CARF: variants seen among roughly 807,000 people sequenced by gnomAD.
CARF encodes the protein calcium responsive transcription factor, also known as calcium-responsive transcription factor.
CARF carries 57 observed loss-of-function variants against 82.0 expected under a neutral mutation model. That is an observed-to-expected ratio of 0.70 (90% CI 0.56 to 0.87). CARF has a LOEUF of 0.87. Ranked by LOEUF, CARF falls within the 40% of genes least tolerant of loss-of-function variation. The pLI is 0.00. For missense variants in CARF, 771 were observed against 855.8 expected (o/e 0.90, Z 1.24); for synonymous variants, 268 against 290.1 (o/e 0.92, Z 0.77).
At chr2:202,942,671 A>G (rs2058285118) in intron 4 of CARF, 69 bp from the exon 5 acceptor site, 4 of 1,237,886 alleles carry the variant, frequency 3.2e-6, no homozygotes, top group South Asian at 1.7e-5. Context: ...ATGTCTTTTC[A>G]TTTTTATTAT....
At chr2:202,928,970 T>C (rs1356733323) in intron 3 of CARF, among the ~76,000 whole-genome samples, 3 of 151,976 alleles carry the variant, frequency 2.0e-5, no homozygotes, top group African/African-American at 7.2e-5. Flanking sequence ...CCTCAGGCAG[T>C]CCTCCAGCCT....
In CARF at chr2:202,952,414, C is replaced by T. The variant is rs924220094; in HGVS notation, c.307-145C>T. ...GACCTTGGAAAAAAATGTTTATGTGCCTCAATGTTTTCATCTATAAAATGG... is the reference window on the plus strand; with the variant it reads ...GACCTTGGAAAAAAATGTTTATGTGTCTCAATGTTTTCATCTATAAAATGG... On this transcript the variant is annotated intron_variant, in intron 5 of 16. Transcript: ENST00000438828. 5.2e-6 allele frequency: 4 copies of T among 763,012 alleles called. No individual in the cohort carries two copies. In the Admixed American group the frequency reaches 9.1e-5, roughly 17 times the overall value. The allele number at this position is 763,012 out of a possible 1,614,324, so 47.3% of individuals were successfully genotyped here.
At chr2:202,931,376 G>A (rs753882987) in intron 3 of CARF, among the ~76,000 whole-genome samples, 4 of 152,170 alleles carry the variant, frequency 2.6e-5, no homozygotes, top group Non-Finnish European at 5.9e-5. Context: ...TATGTTATTG[G>A]TAAGGCTTCC....
intron 10 of CARF, among the ~76,000 whole-genome samples, chr2:202,967,652 A>G (rs1487490872): frequency 1.3e-5 from 2 of 152,212 alleles, no homozygotes; most frequent in African/African-American, 4.8e-5. Flanking sequence ...TGTGAAAGGT[A>G]TTCCTTATTA....
intron 14 of CARF, among the ~76,000 whole-genome samples, chr2:202,980,786 G>T (rs1158298400): frequency 1.3e-5 from 2 of 151,216 alleles, no homozygotes; most frequent in South Asian, 4.2e-4. Flanking sequence ...ATCTAGAGAT[G>T]ATTTAAAGTA....
intron 5 of CARF, among the ~76,000 whole-genome samples, chr2:202,951,753 C>T (rs1311256542): frequency 2.0e-5 from 3 of 151,812 alleles, no homozygotes; most frequent in Non-Finnish European, 2.9e-5. Flanking sequence ...TTTGTAGTAC[C>T]GTTCTTTATG....
chr2:202,951,390 A>G (rs962796523), intron 5 of CARF, among the ~76,000 whole-genome samples: 2 of 152,122 alleles, frequency 1.3e-5, no homozygotes, highest in Non-Finnish European at 2.9e-5. Flanking sequence ...CAATATTTTC[A>G]TGTTTTACCT....
intron 5 of CARF, among the ~76,000 whole-genome samples, chr2:202,945,616 T>C (rs2058460022): frequency 6.6e-6 from 1 of 152,190 alleles, no homozygotes; most frequent in Non-Finnish European, 1.5e-5. Flanking sequence ...TCCAGCTCCA[T>C]CTGCGTTCCC....
At chr2:202,936,334 T>G (rs1329769511) in intron 3 of CARF, among the ~76,000 whole-genome samples, 1 of 152,170 alleles carries the variant, frequency 6.6e-6, no homozygotes, top group Non-Finnish European at 1.5e-5. Flanking sequence ...AATGAAGAAT[T>G]TACTGACAGT....
At chr2:202,973,817 G>A (rs1228370213) in intron 12 of CARF, among the ~76,000 whole-genome samples, 17 of 152,182 alleles carry the variant, frequency 1.1e-4, no homozygotes, top group Non-Finnish European at 2.2e-4. Context: ...GCTGGGCGTG[G>A]TGGCTCACGC....
At chr2:202,959,815 CAAAA>C (rs11334679) in intron 8 of CARF, among the ~76,000 whole-genome samples, 1 of 140,246 alleles carries the variant, frequency 7.1e-6, no homozygotes, top group Admixed American at 7.1e-5. Context: ...ATCTCAAAAA[CAAAA>C]AAAAAAAAAA....
intron 3 of CARF, among the ~76,000 whole-genome samples, chr2:202,929,747 TTTG>T (rs978065382): frequency 2.6e-5 from 4 of 151,992 alleles, no homozygotes; most frequent in African/African-American, 9.7e-5. Context: ...TTTCGGGGCT[TTTG>T]TTGTTGTTGT....
intron 3 of CARF, chr2:202,925,570 C>A (rs747820237): frequency 4.1e-6 from 1 of 244,354 alleles, no homozygotes. Flanking sequence ...GAAGACAGAT[C>A]TCTAAGATGA....
At chr2:202,914,773 C>G (rs1280349169) in intron 1 of CARF, among the ~76,000 whole-genome samples, 1 of 120,842 alleles carries the variant, frequency 8.3e-6, no homozygotes, top group Non-Finnish European at 1.7e-5. Flanking sequence ...GAGTGAAACT[C>G]CATCTCAAAA....
At chr2:202,942,015 G>T in intron 4 of CARF, 35 bp downstream of exon 4, 6 of 1,491,534 alleles carry the variant, frequency 4.0e-6, no homozygotes, top group South Asian at 1.1e-5. Flanking sequence ...TTCCATCCTA[G>T]GGTAAAACAG....
At chr2:202,953,498 G>GTTTTTTTTTTTTTTTTTT (rs67855316) in intron 6 of CARF, among the ~76,000 whole-genome samples, 4 of 70,294 alleles carry the variant, frequency 5.7e-5, no homozygotes, top group Non-Finnish European at 7.4e-5. Context: ...TTTTTTTGTT[G>GTTTTTTTTTTTTTTTTTT]TTTTTTTTTT....
Position 202,915,421 on chromosome 2 carries a change from A to G in CARF, c.-330+2319A>G, listed in dbSNP as rs961914489. On this transcript the variant is annotated intron_variant, in intron 1 of 16. Coordinates refer to ENST00000438828, the MANE Select transcript of CARF (RefSeq NM_024744.17). ...AGTGATCCGTGTTTCAGCCTCCCCA[A>G]TAGCTGCGATTGCAGGCTCCTGCCA... Among the ~76,000 whole-genome samples, 6 of 151,982 alleles carry G rather than the reference A, an allele frequency of 3.9e-5. No individual in the cohort carries two copies. The East Asian group carries it at 5.8e-4, about 15-fold the overall frequency.
chr2:202,973,187 T>C (rs1449386363), intron 12 of CARF, among the ~76,000 whole-genome samples: 4 of 152,198 alleles, frequency 2.6e-5, no homozygotes, highest in Admixed American at 2.6e-4. Context: ...TTCCTAGAAT[T>C]ATTTCCTAAT....
rs2058249927 is a variant in CARF, at chr2:202,941,973, T to TC, written c.71_72insC (p.Phe25IlefsTer2). 6.2e-7 allele frequency: 1 copy of TC among 1,612,924 alleles called. No homozygotes were observed. Among genetic ancestry groups the TC allele is most frequent in the Non-Finnish European group, 8.5e-7 (1 of 1,179,238 alleles). On this transcript the variant is annotated frameshift_variant, in exon 4 of 17. Coordinates refer to ENST00000438828, the MANE Select transcript of CARF (RefSeq NM_024744.17). LOFTEE classifies it high-confidence loss of function. Reference sequence around the variant, plus strand: ...GAAGAGTCAAAAACCAGTGCTCAAGTATTTGAGGTATGGATTCAGCTGGGA... The same window carrying TC: ...GAAGAGTCAAAAACCAGTGCTCAAGTCATTTGAGGTATGGATTCAGCTGGGA...
Sources: allele counts gnomAD v4.1 joint callset (sites outside exome capture counted in the v4.1 genomes callset), GRCh38; gene constraint gnomAD v4.1.1; transcripts MANE v1.5; gene names NCBI Gene and HGNC (gene_info 2026-07-23, HGNC 2026-07-21).